The following IMMP2L variants were observed in gnomAD, a reference collection of about 807,000 sequenced individuals.
The protein encoded by IMMP2L is inner mitochondrial membrane peptidase subunit 2.
IMMP2L carries 18 observed loss-of-function variants against 19.3 expected under a neutral mutation model. That is an observed-to-expected ratio of 0.93 (90% CI 0.64 to 1.38). The LOEUF is 1.38. IMMP2L is among the 40% of genes most tolerant of loss of function. The pLI, the probability that IMMP2L is intolerant of heterozygous loss-of-function variation, is 0.00. For missense variants in IMMP2L, 233 were observed against 218.2 expected, an observed-to-expected ratio of 1.07 and a Z score of -0.43; for synonymous variants, 76 against 73.0, an observed-to-expected ratio of 1.04 and a Z score of -0.21.
At chr7:111,292,307 C>G (rs902933345) in intron 3 of IMMP2L, among the ~76,000 whole-genome samples, 2 of 152,060 alleles carry the variant, frequency 1.3e-5, no homozygotes, top group East Asian at 3.9e-4. Context: ...TCTCCAAATT[C>G]TACATAATAA....
chr7:110,841,528 C>T (rs190085440), intron 5 of IMMP2L, among the ~76,000 whole-genome samples: 2 of 152,194 alleles, frequency 1.3e-5, no homozygotes, highest in Non-Finnish European at 1.5e-5. Flanking sequence ...TAGAGTTTAA[C>T]AAATATTCCC....
At chr7:111,392,426 G>A (rs1832450242) in intron 3 of IMMP2L, among the ~76,000 whole-genome samples, 1 of 152,040 alleles carries the variant, frequency 6.6e-6, no homozygotes, top group Non-Finnish European at 1.5e-5. Flanking sequence ...AGCTACAACT[G>A]AACACACTTC....
chr7:111,362,948 AT>A (rs1829400596), intron 3 of IMMP2L, among the ~76,000 whole-genome samples: 1 of 152,082 alleles, frequency 6.6e-6, no homozygotes, highest in Admixed American at 6.6e-5. Flanking sequence ...AGGACAGACT[AT>A]GGAAACTGAG....
chr7:111,066,103 T>A lies in IMMP2L; in HGVS notation c.240-102538A>T, dbSNP rs140009026. Among the ~76,000 whole-genome samples the A allele has an allele frequency of 4.8e-3, 731 of 151,722 alleles. 3 individuals are homozygous for A. Among genetic ancestry groups the A allele is most frequent in the South Asian group, 0.018 (86 of 4,800 alleles). ...AAGCAATTCTCCTACCGCAGCCTCC[T>A]GAATAGCTGGGACTACAGGTGCACG... On this transcript the variant is annotated intron_variant, in intron 3 of 5. Coordinates refer to ENST00000405709, the MANE Select transcript of IMMP2L (RefSeq NM_032549.4).
chr7:110,999,707 T>C (rs1415121462), intron 3 of IMMP2L, among the ~76,000 whole-genome samples: 1 of 152,122 alleles, frequency 6.6e-6, no homozygotes, highest in East Asian at 1.9e-4. Context: ...TTAACTTTCT[T>C]GTTACTGGGT....
At chr7:111,360,816 T>A (rs1373110715) in intron 3 of IMMP2L, among the ~76,000 whole-genome samples, 1 of 152,052 alleles carries the variant, frequency 6.6e-6, no homozygotes, top group Non-Finnish European at 1.5e-5. Flanking sequence ...ATACCTTGTT[T>A]CAAAAAAACA....
intron 4 of IMMP2L, among the ~76,000 whole-genome samples, chr7:110,928,676 C>T (rs1815140381): frequency 1.3e-5 from 2 of 152,026 alleles, no homozygotes; most frequent in Admixed American, 6.6e-5. Flanking sequence ...CTTTTGGAGA[C>T]ATTCTCACTT....
At chr7:110,666,680 T>C (rs1791478147) in intron 5 of IMMP2L, among the ~76,000 whole-genome samples, 1 of 152,070 alleles carries the variant, frequency 6.6e-6, no homozygotes, top group African/African-American at 2.4e-5. Flanking sequence ...TACCAAAAAG[T>C]TCTCCCTCAC....
intron 3 of IMMP2L, among the ~76,000 whole-genome samples, chr7:111,049,358 C>T (rs975610486): frequency 3.3e-5 from 5 of 151,958 alleles, no homozygotes; most frequent in African/African-American, 1.2e-4. Context: ...GTCTCGATCT[C>T]CTGACCTCGT....
In IMMP2L at chr7:110,870,011, T is replaced by G. The variant is rs533948575; in HGVS notation, c.408+16582A>C. 6.6e-6 allele frequency among the ~76,000 whole-genome samples: 1 copy of G among 152,258 alleles called. No homozygotes were observed. The highest frequency in any genetic ancestry group is 2.4e-5 in the African/African-American group (1 of 41,576). On this transcript the variant is annotated intron_variant, in intron 5 of 5. Coordinates refer to ENST00000405709, the MANE Select transcript of IMMP2L (RefSeq NM_032549.4). The surrounding 1 kb of genome is among the most constrained non-coding windows in gnomAD (Gnocchi z 4.2). ...TAATTTCTTTTGGTGTCCCCAGATATTTCTACCATTCTACCCCTCCTCCTA... is the reference window on the plus strand; with the variant it reads ...TAATTTCTTTTGGTGTCCCCAGATAGTTCTACCATTCTACCCCTCCTCCTA...
chr7:111,372,996 T>C (rs534848196), intron 3 of IMMP2L, among the ~76,000 whole-genome samples: 2 of 152,042 alleles, frequency 1.3e-5, no homozygotes, highest in South Asian at 2.1e-4. Flanking sequence ...AAGGAACCTA[T>C]AAAATTATCC....
At chr7:110,703,970 C>G (rs548857290) in intron 5 of IMMP2L, among the ~76,000 whole-genome samples, 2 of 151,818 alleles carry the variant, frequency 1.3e-5, no homozygotes, top group Non-Finnish European at 2.9e-5. Context: ...CTCAGCCTCC[C>G]GAGTAGCTGG....
intron 4 of IMMP2L, among the ~76,000 whole-genome samples, chr7:110,909,832 A>G (rs1022939743): frequency 3.3e-5 from 5 of 152,016 alleles, no homozygotes; most frequent in African/African-American, 1.2e-4. Context: ...GTACTCTCCA[A>G]GAGAAGGGAA....
At chr7:111,064,278 T>G (rs1317068829) in intron 3 of IMMP2L, among the ~76,000 whole-genome samples, 1 of 152,094 alleles carries the variant, frequency 6.6e-6, no homozygotes, top group Non-Finnish European at 1.5e-5. Flanking sequence ...TTCAATCACA[T>G]TCCACAACAC....
intron 3 of IMMP2L, among the ~76,000 whole-genome samples, chr7:111,155,628 A>C (rs1804554287): frequency 6.8e-6 from 1 of 146,082 alleles, no homozygotes; most frequent in African/African-American, 2.5e-5. Context: ...ATTTCCATGA[A>C]AATGGAAACT....
chr7:110,956,617 T>C (rs921800777), intron 4 of IMMP2L, among the ~76,000 whole-genome samples: 5 of 151,952 alleles, frequency 3.3e-5, no homozygotes, highest in Admixed American at 1.3e-4. Context: ...CTTTTTTCAC[T>C]CTCAAAGTGT....
At chr7:111,021,701 G>A (rs556976496) in intron 3 of IMMP2L, among the ~76,000 whole-genome samples, 3 of 152,200 alleles carry the variant, frequency 2.0e-5, no homozygotes, top group Non-Finnish European at 4.4e-5. Flanking sequence ...GGGCCAACAT[G>A]GTGAAACACC....
At chr7:111,513,473 T>C (rs576025863) in intron 2 of IMMP2L, among the ~76,000 whole-genome samples, 1 of 152,206 alleles carries the variant, frequency 6.6e-6, no homozygotes, top group East Asian at 1.9e-4. Flanking sequence ...TTGGTGAGAA[T>C]ATGCAGAAAA....
intron 3 of IMMP2L, among the ~76,000 whole-genome samples, chr7:111,154,158 C>G (rs1161853027): frequency 6.6e-6 from 1 of 151,998 alleles, no homozygotes; most frequent in African/African-American, 2.4e-5. Flanking sequence ...AGTATATGCT[C>G]TATTATACCA....
Sources: gnomAD v4.1 joint callset for allele counts (sites outside exome capture counted in the v4.1 genomes callset) on GRCh38, gnomAD v4.1.1 for gene constraint, Gnocchi (gnomAD v3.1) non-coding constraint, MANE v1.5 for transcripts, NCBI Gene and HGNC (gene_info 2026-07-23, HGNC 2026-07-21) for gene names.